Variants in ADIPOR2 observed in about 807,000 individuals in gnomAD.
ADIPOR2 encodes adiponectin receptor 2, also known as adiponectin receptor protein 2.
In ADIPOR2, 18 loss-of-function variants were observed where a neutral mutation model predicts 40.9. That is an observed-to-expected ratio of 0.44 (90% confidence interval 0.30 to 0.65). The LOEUF (loss-of-function observed/expected upper bound fraction) is 0.65, where lower values mean the gene tolerates loss of function less well. ADIPOR2 is among the 30% of genes least tolerant of loss of function. ADIPOR2 has a pLI of 0.09. For missense variants in ADIPOR2, 283 were observed against 479.2 expected (o/e 0.59, Z 3.82); for synonymous variants, 165 against 166.4 (o/e 0.99, Z 0.06).
intron 6 of ADIPOR2, among the ~76,000 whole-genome samples, chr12:1,781,813 G>C (rs1163748473): frequency 6.6e-6 from 1 of 152,116 alleles, no homozygotes; most frequent in African/African-American, 2.4e-5. Flanking sequence ...ATCATCCGGG[G>C]GTACCTGGAA....
intron 2 of ADIPOR2, chr12:1,757,632 C>T: frequency 7.7e-7 from 1 of 1,304,802 alleles, no homozygotes; most frequent in Non-Finnish European, 1.1e-6. Flanking sequence ...CTTTTGTGCC[C>T]CCAGAGATTT....
chr12:1,747,824 C>G (rs547923488), intron 1 of ADIPOR2, among the ~76,000 whole-genome samples: 3 of 151,946 alleles, frequency 2.0e-5, no homozygotes, highest in Non-Finnish European at 4.4e-5. Context: ...AATAATGAGT[C>G]GTTTGGTTCT....
At chr12:1,762,120 C>T (rs75254717) in intron 2 of ADIPOR2, among the ~76,000 whole-genome samples, 2,794 of 152,272 alleles carry the variant, frequency 0.018, 91 homozygotes, top group African/African-American at 0.064. Flanking sequence ...ATGGCTCTTT[C>T]CTCTGCCTGG....
At chr12:1,761,890 C>T (rs888154542) in intron 2 of ADIPOR2, among the ~76,000 whole-genome samples, 2 of 152,192 alleles carry the variant, frequency 1.3e-5, no homozygotes, top group Admixed American at 1.3e-4. Context: ...GTTTATTATG[C>T]CATTCCCATT....
intron 1 of ADIPOR2, among the ~76,000 whole-genome samples, chr12:1,715,108 A>G (rs1423427449): frequency 6.6e-6 from 1 of 152,024 alleles, no homozygotes; most frequent in Non-Finnish European, 1.5e-5. Flanking sequence ...TATCATTAAT[A>G]GGAAGGGGAG....
Position 1,786,178 on chromosome 12 carries a change from A to G in ADIPOR2, c.*106A>G. 6.8e-7 allele frequency: 1 copy of G among 1,467,510 alleles called. No individual in the cohort carries two copies. 90.9% of individuals were successfully genotyped at this position (1,467,510 alleles called of 1,614,324 possible). A position where few individuals can be genotyped will look rare whatever the true frequency, so the allele number is the denominator to read the frequency against. On this transcript the variant is annotated 3_prime_UTR_variant, in exon 8 of 8. Transcript: ENST00000357103. ...GTACCAGAGGAGCCCCAAAACTTTG[A>G]CAGCCTCGTGGGCTTTGTGACGGCC...
intron 4 of ADIPOR2, chr12:1,780,205 A>C: frequency 2.8e-6 from 1 of 357,100 alleles, no homozygotes; most frequent in Non-Finnish European, 5.0e-6. Context: ...TTCTTTTTAG[A>C]TTATGCCCTT....
intron 1 of ADIPOR2, among the ~76,000 whole-genome samples, chr12:1,734,438 G>A (rs1005966779): frequency 6.6e-5 from 10 of 152,072 alleles, no homozygotes; most frequent in African/African-American, 1.7e-4. Context: ...CATATCCTTT[G>A]CCCACTTTTT....
At chr12:1,716,006 G>C (rs1307770937) in intron 1 of ADIPOR2, among the ~76,000 whole-genome samples, 1 of 152,076 alleles carries the variant, frequency 6.6e-6, no homozygotes, top group East Asian at 1.9e-4. Context: ...TTGTTCTTTC[G>C]CTCTTCACAG....
chr12:1,780,374 T>C (rs1273797036), intron 4 of ADIPOR2, 77 bp from the exon 5 acceptor site: 7 of 1,343,222 alleles, frequency 5.2e-6, no homozygotes, highest in Non-Finnish European at 6.9e-6. Context: ...TGCAGAAGGA[T>C]TGAAAACAGA....
chr12:1,727,817 C>T (rs904833010), intron 1 of ADIPOR2, among the ~76,000 whole-genome samples: 10 of 151,026 alleles, frequency 6.6e-5, no homozygotes, highest in Middle Eastern at 3.4e-3. Flanking sequence ...CGGTCCCCTA[C>T]AGGCCTGGCT....
chr12:1,773,671 G>A (rs1431877406), intron 3 of ADIPOR2, among the ~76,000 whole-genome samples: 3 of 152,068 alleles, frequency 2.0e-5, no homozygotes, highest in African/African-American at 7.2e-5. Context: ...ATCAGTCTGT[G>A]TGTATACGTA....
At chr12:1,735,270 T>C (rs934892126) in intron 1 of ADIPOR2, among the ~76,000 whole-genome samples, 3 of 152,218 alleles carry the variant, frequency 2.0e-5, no homozygotes, top group Non-Finnish European at 2.9e-5. Context: ...TTTTACTTCA[T>C]TGAGCAGCGG....
rs1555170937 is a variant in ADIPOR2, at chr12:1,764,588, C to CACACACACACAT, written c.172-8252_172-8251insACACACACATAC. On this transcript the variant is annotated intron_variant, in intron 2 of 7. Coordinates refer to ENST00000357103, the MANE Select transcript of ADIPOR2 (RefSeq NM_024551.3). ...ACACACACACACACACACACACACA[C>CACACACACACAT]ACGTAGATATATTGTAAGTGGATAG... Among the ~76,000 whole-genome samples, 392 of 140,026 alleles carry CACACACACACAT rather than the reference C, an allele frequency of 2.8e-3. 5 individuals are homozygous for CACACACACACAT. Among genetic ancestry groups the CACACACACACAT allele is most frequent in the African/African-American group, 4.2e-3 (168 of 39,974 alleles). 91.9% of individuals were successfully genotyped at this position (140,026 alleles called of 152,430 possible).
intron 2 of ADIPOR2, chr12:1,757,296 C>G (rs564718522): frequency 1.5e-5 from 10 of 647,130 alleles, no homozygotes; most frequent in Non-Finnish European, 2.5e-5. Flanking sequence ...AGGCAGATAC[C>G]CTTTTCCTCA....
At chr12:1,739,378 C>T (rs2094737859) in intron 1 of ADIPOR2, among the ~76,000 whole-genome samples, 1 of 152,224 alleles carries the variant, frequency 6.6e-6, no homozygotes. Flanking sequence ...AGATTTCCCT[C>T]TCTGAAAGTA....
rs148520480 is a variant in ADIPOR2 at position 1,772,049 on chromosome 12, A to G, written c.172-793A>G. Among the ~76,000 whole-genome samples, 16 of 152,364 alleles carry G rather than the reference A, an allele frequency of 1.1e-4. No individual in the cohort carries two copies. The East Asian group carries it at 3.1e-3, about 29-fold the overall frequency. ...ACTTTGGTCTCCTGACTTGCAGTCT[A>G]CTGCCCTTCTTCTCACAATATCATT... On this transcript the variant is annotated intron_variant, in intron 2 of 7. Transcript: ENST00000357103.
At chr12:1,726,431 C>T (rs914750034) in intron 1 of ADIPOR2, among the ~76,000 whole-genome samples, 2 of 152,162 alleles carry the variant, frequency 1.3e-5, no homozygotes, top group Admixed American at 1.3e-4. Context: ...CTCCTGCCCT[C>T]AGGTTATCTG....
chr12:1,702,236 A>C (rs2094651844), intron 1 of ADIPOR2, among the ~76,000 whole-genome samples: 2 of 152,218 alleles, frequency 1.3e-5, no homozygotes, highest in Non-Finnish European at 2.9e-5. Context: ...TAAGGATAAA[A>C]TGTTTTGTGA....
Sources: gnomAD v4.1 joint callset for allele counts (sites outside exome capture counted in the v4.1 genomes callset) on GRCh38, gnomAD v4.1.1 for gene constraint, MANE v1.5 for transcripts, NCBI Gene and HGNC (gene_info 2026-07-23, HGNC 2026-07-21) for gene names.